Variants in PACS2 observed in about 807,000 individuals in gnomAD.
PACS2 encodes PACS1-like protein.
PACS2 carries 36 observed loss-of-function variants against 113.0 expected under a neutral mutation model. The observed-to-expected ratio is 0.32, with a 90% confidence interval of 0.24 to 0.42. PACS2 has a LOEUF of 0.42. PACS2 is among the 10% of genes least tolerant of loss of function. The pLI is 1.00. For missense variants in PACS2, 1,015 were observed against 1,239.5 expected, an observed-to-expected ratio of 0.82 and a Z score of 2.72; for synonymous variants, 589 against 536.1, an observed-to-expected ratio of 1.10 and a Z score of -1.36.
upstream of PACS2, among the ~76,000 whole-genome samples, chr14:105,309,776 CTTTTTT>C (rs928875653): frequency 3.9e-4 from 35 of 89,236 alleles, no homozygotes; most frequent in Admixed American, 7.7e-4. This position sits in a 1 kb window ranked among gnomAD's most constrained non-coding sequence, Gnocchi z 4.0. Context: ...TGATGTGTGT[CTTTTTT>C]TTTTTTTTTT....
chr14:105,316,665 A>T (rs587672020), intron 1 of PACS2, among the ~76,000 whole-genome samples: 6 of 150,930 alleles, frequency 4.0e-5, no homozygotes, highest in African/African-American at 1.5e-4. Flanking sequence ...TCTATTCTCC[A>T]GGGGTCTAGA....
intron 8 of PACS2, chr14:105,371,473 G>C (rs782117971): frequency 2.0e-5 from 3 of 152,260 alleles, no homozygotes; most frequent in African/African-American, 7.2e-5. Context: ...TTCAGGGAGA[G>C]GACATCGTTT....
intron 2 of PACS2, among the ~76,000 whole-genome samples, chr14:105,351,983 C>T (rs1351964182): frequency 1.3e-5 from 2 of 152,248 alleles, no homozygotes; most frequent in Non-Finnish European, 2.9e-5. Context: ...CACAGCGAGA[C>T]CTGTCTCTCA....
chr14:105,387,303 G>C (rs587688507), intron 19 of PACS2, among the ~76,000 whole-genome samples: 3 of 152,332 alleles, frequency 2.0e-5, no homozygotes, highest in Non-Finnish European at 4.4e-5. Flanking sequence ...CTGCTGGCCC[G>C]CCCTCCTCTG....
intron 19 of PACS2, chr14:105,389,139 T>G (rs903052360): frequency 2.0e-5 from 3 of 152,302 alleles, no homozygotes; most frequent in African/African-American, 7.2e-5. Flanking sequence ...CTGCTTGAGC[T>G]GCACACGTCG....
intron 19 of PACS2, chr14:105,388,956 C>T (rs1201828177): frequency 6.6e-6 from 1 of 152,414 alleles, no homozygotes; most frequent in African/African-American, 2.4e-5. Flanking sequence ...TAGGCCCTGC[C>T]CTCTGGATCT....
At chr14:105,386,468 C>G (rs2081179970) in intron 19 of PACS2, among the ~76,000 whole-genome samples, 1 of 152,160 alleles carries the variant, frequency 6.6e-6, no homozygotes, top group Admixed American at 6.5e-5. Flanking sequence ...AGCTCCACCC[C>G]CTACAACCTT....
At chr14:105,306,207 A>G (rs1256742002) in intron 1 of PACS2, among the ~76,000 whole-genome samples, 1 of 152,176 alleles carries the variant, frequency 6.6e-6, no homozygotes, top group Non-Finnish European at 1.5e-5. Context: ...GCAGGGTTAG[A>G]GTTTTGAAGG....
At chr14:105,362,207 A>T (rs1045400117) in intron 4 of PACS2, among the ~76,000 whole-genome samples, 9 of 151,562 alleles carry the variant, frequency 5.9e-5, no homozygotes, top group Middle Eastern at 3.4e-3. Context: ...TCACGAGGTC[A>T]GGAGATCAAG....
intron 16 of PACS2, 139 bp downstream of exon 16, chr14:105,383,652 T>A: frequency 1.4e-6 from 1 of 691,844 alleles, no homozygotes; most frequent in Non-Finnish European, 2.4e-6. Flanking sequence ...CGGTGTGGCA[T>A]GGCGTGGTGT....
In PACS2 at chr14:105,394,728, T is replaced by C; in HGVS notation, c.*56T>C. 1 of 1,082,334 alleles carries C rather than the reference T, an allele frequency of 9.2e-7. No individual in the cohort carries two copies. Among genetic ancestry groups the C allele is most frequent in the Non-Finnish European group, 1.4e-6 (1 of 695,560 alleles). 67.0% of individuals were successfully genotyped at this position (1,082,334 alleles called of 1,614,324 possible). On this transcript the variant is annotated 3_prime_UTR_variant, in exon 25 of 25. Coordinates refer to ENST00000447393, the MANE Select transcript of PACS2 (RefSeq NM_001100913.3). ...CCATGCTGTGAGGGGCCCAGCTGCA[T>C]TTCTGTTAACATTTCAGTTTACTAC...
At chr14:105,379,625 C>T in intron 9 of PACS2, 114 bp from the exon 10 acceptor site, 1 of 832,362 alleles carries the variant, frequency 1.2e-6, no homozygotes, top group Non-Finnish European at 2.0e-6. Flanking sequence ...CCCAGCTCTG[C>T]TCTGCCGTTG....
chr14:105,326,767 C>T (rs1176989590), intron 1 of PACS2, among the ~76,000 whole-genome samples: 2 of 152,156 alleles, frequency 1.3e-5, no homozygotes, highest in East Asian at 1.9e-4. Context: ...CTGGCCTGAG[C>T]GTGCTTTCTG....
rs1160946647 is a variant in PACS2 at position 105,354,927 on chromosome 14, C to G, written c.298-125C>G. 1.1e-6 allele frequency: 1 copy of G among 917,538 alleles called. No individual in the cohort carries two copies. The highest frequency in any genetic ancestry group is 1.7e-6 in the Non-Finnish European group (1 of 604,736). The allele number at this position is 917,538 out of a possible 1,614,324, so 56.8% of individuals were successfully genotyped here. ...ACTTGGGGGCCCGTCTGTGGGTGCC[C>G]TTCCGATCTCATGGGCAGCAGGTTG... On this transcript the variant is annotated intron_variant, in intron 3 of 24. Transcript: ENST00000447393. This position sits in a 1 kb window ranked among gnomAD's most constrained non-coding sequence, Gnocchi z 4.2.
intron 1 of PACS2, among the ~76,000 whole-genome samples, chr14:105,343,176 C>T (rs894751195): frequency 2.0e-5 from 3 of 152,174 alleles, no homozygotes; most frequent in Admixed American, 6.5e-5. Context: ...ACACGGGCGT[C>T]TCTCACTCAA....
chr14:105,345,624 A>G (rs1416545695), intron 1 of PACS2, among the ~76,000 whole-genome samples: 1 of 152,170 alleles, frequency 6.6e-6, no homozygotes, highest in Non-Finnish European at 1.5e-5. Flanking sequence ...TTTCCCAAGC[A>G]TCCCAAGAGG....
rs150829260 is a variant in PACS2, at chr14:105,354,355, G to C, written c.298-697G>C. Among the ~76,000 whole-genome samples the C allele has an allele frequency of 6.6e-6, 1 of 151,960 alleles. No individual in the cohort carries two copies. Among genetic ancestry groups the C allele is most frequent in the Non-Finnish European group, 1.5e-5 (1 of 68,016 alleles). On this transcript the variant is annotated intron_variant, in intron 3 of 24. Coordinates refer to ENST00000447393, the MANE Select transcript of PACS2 (RefSeq NM_001100913.3). This position sits in a 1 kb window ranked among gnomAD's most constrained non-coding sequence, Gnocchi z 4.2. ...TACCTCAGGTGATCCGCCCAGCTTG[G>C]CCTCCCAAAGTGCCGGGATTACAGG...
At chr14:105,372,114 A>G (rs1555409517) in intron 8 of PACS2, 1 of 152,314 alleles carries the variant, frequency 6.6e-6, no homozygotes, top group African/African-American at 2.4e-5. Context: ...GAGCACTGGC[A>G]TCCAGGCTGC....
chr14:105,363,068 T>C (rs2060794934), intron 4 of PACS2, among the ~76,000 whole-genome samples: 4 of 152,208 alleles, frequency 2.6e-5, no homozygotes, highest in Admixed American at 1.3e-4. Context: ...TTCAGCCAAT[T>C]GTGCTGTAAA....
Sources: gnomAD v4.1 joint callset for allele counts (sites outside exome capture counted in the v4.1 genomes callset) on GRCh38, gnomAD v4.1.1 for gene constraint, Gnocchi (gnomAD v3.1) non-coding constraint, MANE v1.5 for transcripts, NCBI Gene and HGNC (gene_info 2026-07-23, HGNC 2026-07-21) for gene names.